The following NELL1 variants were observed in gnomAD, a reference collection of about 807,000 sequenced individuals.
NELL1 encodes the protein protein kinase C-binding protein NELL1.
NELL1 carries 76 observed loss-of-function variants against 107.4 expected under a neutral mutation model. That is an observed-to-expected ratio of 0.71 (90% CI 0.59 to 0.86). The LOEUF (loss-of-function observed/expected upper bound fraction) is 0.86. NELL1 is among the 40% of genes least tolerant of loss of function. The probability of loss-of-function intolerance (pLI) is 0.00; values close to 1 mark genes in which losing one functional copy is unlikely to be tolerated. For missense variants in NELL1, 1,024 were observed against 1,005.5 expected (o/e 1.02, Z -0.25); for synonymous variants, 353 against 341.2 (o/e 1.03, Z -0.38).
At chr11:21,031,638 C>T (rs1852959448) in intron 12 of NELL1, among the ~76,000 whole-genome samples, 1 of 151,992 alleles carries the variant, frequency 6.6e-6, no homozygotes, top group Admixed American at 6.6e-5. Flanking sequence ...ACACTTTACT[C>T]TTTTAAGATT....
At chr11:21,474,577 A>T (rs1854274726) in intron 15 of NELL1, among the ~76,000 whole-genome samples, 1 of 152,152 alleles carries the variant, frequency 6.6e-6, no homozygotes, top group Non-Finnish European at 1.5e-5. Flanking sequence ...CAAGGTTGCC[A>T]GTCTAATAAC....
In NELL1 at chr11:20,947,355, T is replaced by C. The variant is rs1246034591; in HGVS notation, c.1091T>C (p.Ile364Thr). The change falls in exon 11 of 20, where the codon ATT (isoleucine) becomes ACT (threonine). Residue 364 changes from isoleucine to threonine, a missense_variant. Physicochemically the swap from Ile to Thr is moderately conservative, Grantham distance 89 (BLOSUM62 -1). Transcript: ENST00000357134. ...RECRGGVLVK[I>T]TEMCPPLNCS... is the part of the protein sequence containing the mutation. ...TTCCAGGGTGGAGTTTTAGTAAAAA[T>C]TACAGAAATGTGTCCTCCTTTGAAC... is the stretch of plus-strand genomic sequence containing the variant. 6.2e-7 allele frequency: 1 copy of C among 1,613,916 alleles called. No homozygotes were observed. The highest frequency in any genetic ancestry group is 1.1e-5 in the South Asian group (1 of 91,056).
chr11:21,473,710 G>A lies in NELL1; in HGVS notation c.1646-60664G>A, dbSNP rs552544643. ...ATTGTGGGCAAGATAATTTGTATGC[G>A]ATCAGTTCAGTTTTTTGGAAGATGA... On this transcript the variant is annotated intron_variant, in intron 15 of 19. Coordinates refer to ENST00000357134, the MANE Select transcript of NELL1 (RefSeq NM_006157.5). 5.3e-5 allele frequency among the ~76,000 whole-genome samples: 8 copies of A among 152,084 alleles called. No homozygotes were observed. The South Asian group carries it at 8.3e-4, about 16-fold the overall frequency.
chr11:20,922,328 T>G (rs923016254), intron 7 of NELL1, among the ~76,000 whole-genome samples: 1 of 152,156 alleles, frequency 6.6e-6, no homozygotes, highest in Non-Finnish European at 1.5e-5. Flanking sequence ...ACTTTGTTTC[T>G]TCCTTTTGTA....
chr11:21,268,964 G>T (rs1480329150), intron 14 of NELL1, among the ~76,000 whole-genome samples: 1 of 152,014 alleles, frequency 6.6e-6, no homozygotes, highest in Non-Finnish European at 1.5e-5. Flanking sequence ...TCTAAGAAAG[G>T]ATTGAAAAGA....
intron 14 of NELL1, among the ~76,000 whole-genome samples, chr11:21,347,427 AC>A (rs1166912417): frequency 6.6e-6 from 1 of 152,050 alleles, no homozygotes; most frequent in African/African-American, 2.4e-5. Flanking sequence ...ACATGGTGAA[AC>A]CCCATCTCTA....
intron 14 of NELL1, among the ~76,000 whole-genome samples, chr11:21,303,003 G>A (rs1470796438): frequency 6.6e-6 from 1 of 151,850 alleles, no homozygotes; most frequent in Non-Finnish European, 1.5e-5. Flanking sequence ...TGAGAATAGA[G>A]CAAGCCATGA....
chr11:21,254,318 A>T (rs1858715392), intron 14 of NELL1, among the ~76,000 whole-genome samples: 1 of 152,104 alleles, frequency 6.6e-6, no homozygotes, highest in Admixed American at 6.6e-5. Context: ...AAATATGATG[A>T]TAGAAAAAAG....
At chr11:20,747,403 C>T (rs1856028903) in intron 2 of NELL1, among the ~76,000 whole-genome samples, 1 of 152,160 alleles carries the variant, frequency 6.6e-6, no homozygotes, top group South Asian at 2.1e-4. Flanking sequence ...TTCAGTTTGG[C>T]ACCCTTTCAT....
chr11:21,404,348 A>G (rs1852182737), intron 15 of NELL1, among the ~76,000 whole-genome samples: 2 of 152,038 alleles, frequency 1.3e-5, no homozygotes, highest in African/African-American at 2.4e-5. Context: ...TTGCTTTTAT[A>G]TGGAATTTAG....
At chr11:20,700,701 C>T (rs551952921) in intron 2 of NELL1, among the ~76,000 whole-genome samples, 13 of 151,906 alleles carry the variant, frequency 8.6e-5, no homozygotes, top group African/African-American at 3.1e-4. Flanking sequence ...ATGTTCCCCA[C>T]CCTGTGTCCA....
chr11:21,304,892 A>C (rs1026692185), intron 14 of NELL1, among the ~76,000 whole-genome samples: 1 of 152,006 alleles, frequency 6.6e-6, no homozygotes, highest in African/African-American at 2.4e-5. Flanking sequence ...GGAGGAGAAG[A>C]TAGGAAGTAA....
At chr11:21,003,712 C>T (rs1852272093) in intron 12 of NELL1, among the ~76,000 whole-genome samples, 1 of 152,052 alleles carries the variant, frequency 6.6e-6, no homozygotes, top group Non-Finnish European at 1.5e-5. Context: ...GATCCAAGGT[C>T]CTCCTCTCTG....
rs190523223 is a variant in NELL1, at chr11:21,554,002, C to A, written c.1787-6187C>A. On this transcript the variant is annotated intron_variant, in intron 16 of 19. Transcript: ENST00000357134. ...TACAAACCACCCTCCTACTCATAAG[C>A]AGATATGTAAAAACATATAAATCGT... Among the ~76,000 whole-genome samples, 10 of 151,704 alleles carry A rather than the reference C, an allele frequency of 6.6e-5. No homozygotes were observed. In the South Asian group the frequency reaches 2.1e-3, roughly 31 times the overall value.
At chr11:21,446,803 G>A (rs1853443695) in intron 15 of NELL1, among the ~76,000 whole-genome samples, 1 of 152,132 alleles carries the variant, frequency 6.6e-6, no homozygotes, top group South Asian at 2.1e-4. Flanking sequence ...CAAAGCCTTG[G>A]GGCTCCACAA....
chr11:21,051,630 C>T (rs1349482023), intron 12 of NELL1, among the ~76,000 whole-genome samples: 1 of 152,118 alleles, frequency 6.6e-6, no homozygotes, highest in Non-Finnish European at 1.5e-5. Context: ...TATGGCCTCC[C>T]ATCTATGGGA....
intron 12 of NELL1, among the ~76,000 whole-genome samples, chr11:21,025,335 A>G (rs1852791872): frequency 6.6e-6 from 1 of 151,988 alleles, no homozygotes; most frequent in Non-Finnish European, 1.5e-5. Context: ...CTTATTTCAT[A>G]GTTCAAGAAA....
chr11:21,165,767 T>C (rs1384192292), intron 13 of NELL1, among the ~76,000 whole-genome samples: 1 of 147,618 alleles, frequency 6.8e-6, no homozygotes, highest in Non-Finnish European at 1.5e-5. Context: ...TCTTTTTTTT[T>C]TTTTTTTTTT....
chr11:21,200,052 G>A (rs895816962), intron 13 of NELL1, among the ~76,000 whole-genome samples: 1 of 152,094 alleles, frequency 6.6e-6, no homozygotes, highest in East Asian at 1.9e-4. Flanking sequence ...TCATTGATGG[G>A]CATTTGGGTT....
Sources: allele counts gnomAD v4.1 joint callset (sites outside exome capture counted in the v4.1 genomes callset), GRCh38; gene constraint gnomAD v4.1.1; transcripts MANE v1.5; gene names NCBI Gene and HGNC (gene_info 2026-07-23, HGNC 2026-07-21).